The following MAGI1 variants were observed in gnomAD, a reference collection of about 807,000 sequenced individuals.
MAGI1 encodes the protein membrane associated guanylate kinase, WW and PDZ domain containing 1, also known as membrane-associated guanylate kinase, WW and PDZ domain-containing protein 1.
A neutral mutation model predicts 139.9 loss-of-function variants in MAGI1; 58 were observed. The observed-to-expected ratio is 0.41, with a 90% CI of 0.34 to 0.52. MAGI1 has a LOEUF of 0.52. Ranked by LOEUF, MAGI1 falls within the 20% of genes least tolerant of loss-of-function variation. MAGI1 has a pLI of 0.12. For synonymous variants in MAGI1, 812 were observed against 737.9 expected (o/e 1.10, Z -1.63); for missense variants, 1,874 against 1,901.6 (o/e 0.99, Z 0.27).
chr3:65,903,275 T>C (rs956966022), intron 1 of MAGI1, among the ~76,000 whole-genome samples: 2 of 152,134 alleles, frequency 1.3e-5, no homozygotes, highest in Non-Finnish European at 2.9e-5. Flanking sequence ...ATTACAGGCA[T>C]AAGCCACCAC....
At chr3:65,658,288 T>A (rs1174032576) in intron 1 of MAGI1, among the ~76,000 whole-genome samples, 1 of 152,158 alleles carries the variant, frequency 6.6e-6, no homozygotes, top group East Asian at 1.9e-4. Context: ...TGACTTTTAA[T>A]AAGGACGCGA....
intron 1 of MAGI1, among the ~76,000 whole-genome samples, chr3:66,036,674 G>A (rs2068938431): frequency 6.6e-6 from 1 of 152,176 alleles, no homozygotes; most frequent in African/African-American, 2.4e-5. Flanking sequence ...TCTGGAGCAC[G>A]CCTGTTTCCA....
chr3:65,452,009 T>C (rs1326221565), intron 6 of MAGI1, among the ~76,000 whole-genome samples: 2 of 152,162 alleles, frequency 1.3e-5, no homozygotes, highest in Non-Finnish European at 2.9e-5. Flanking sequence ...CAGTATTACA[T>C]GTTAAACAGA....
intron 2 of MAGI1, among the ~76,000 whole-genome samples, chr3:65,508,645 C>T (rs1461392908): frequency 1.3e-5 from 2 of 152,104 alleles, no homozygotes; most frequent in Non-Finnish European, 2.9e-5. Context: ...ATGCCTTTGT[C>T]ATCTATTCAA....
intron 1 of MAGI1, among the ~76,000 whole-genome samples, chr3:65,899,429 A>T (rs971808833): frequency 6.6e-6 from 1 of 152,228 alleles, no homozygotes; most frequent in Non-Finnish European, 1.5e-5. Context: ...AGACTTATCA[A>T]GAAATGAAAA....
chr3:65,684,167 CAAAA>C (rs1163089641), intron 1 of MAGI1, among the ~76,000 whole-genome samples: 1 of 79,408 alleles, frequency 1.3e-5, no homozygotes, highest in Non-Finnish European at 2.4e-5. Context: ...GAGACTGTCT[CAAAA>C]AAAAAAAAAA....
rs189875641 is a variant in MAGI1, at chr3:65,713,103, C to T, written c.314-91015G>A. Among the ~76,000 whole-genome samples the T allele has an allele frequency of 3.4e-3, 512 of 152,314 alleles. 7 individuals carry two copies. Among genetic ancestry groups the T allele is most frequent in the African/African-American group, 0.012 (482 of 41,566 alleles). ...AAAGTCCTAGAGAGAGAATAGCTTT[C>T]CAGGCCCCATTCCTTCTACTCCTGA... is the stretch of plus-strand genomic sequence containing the variant. On this transcript the variant is annotated intron_variant, in intron 1 of 22. Coordinates refer to ENST00000402939, the MANE Select transcript of MAGI1 (RefSeq NM_001033057.2).
chr3:65,645,356 G>C (rs527630241), intron 1 of MAGI1, among the ~76,000 whole-genome samples: 2 of 152,132 alleles, frequency 1.3e-5, no homozygotes, highest in Non-Finnish European at 2.9e-5. Flanking sequence ...TTTTTCATCA[G>C]AAACCATGGA....
At chr3:65,688,274 C>G in intron 1 of MAGI1, 4 of 844,862 alleles carry the variant, frequency 4.7e-6, no homozygotes, top group Non-Finnish European at 7.9e-6. Flanking sequence ...CACATGGTGG[C>G]TTTAGGAAGA....
intron 1 of MAGI1, among the ~76,000 whole-genome samples, chr3:65,684,229 C>A (rs2087826805): frequency 6.7e-6 from 1 of 149,508 alleles, no homozygotes; most frequent in Non-Finnish European, 1.5e-5. Flanking sequence ...CAACTGTACT[C>A]TTGGACATTT....
intron 3 of MAGI1, among the ~76,000 whole-genome samples, chr3:65,490,884 C>A (rs1951981537): frequency 6.7e-6 from 1 of 148,252 alleles, no homozygotes; most frequent in Admixed American, 6.7e-5. Flanking sequence ...ATTATGAGCC[C>A]TCTCATATGG....
intron 1 of MAGI1, among the ~76,000 whole-genome samples, chr3:65,824,444 C>G (rs1021471361): frequency 2.0e-5 from 3 of 152,170 alleles, no homozygotes; most frequent in African/African-American, 7.2e-5. Context: ...AGGGGCCCAG[C>G]AGGTATAGAG....
intron 2 of MAGI1, among the ~76,000 whole-genome samples, chr3:65,515,464 A>G (rs1269486709): frequency 1.3e-5 from 2 of 152,230 alleles, no homozygotes; most frequent in African/African-American, 4.8e-5. Context: ...AATACTAACT[A>G]ATGTCAATGA....
chr3:65,983,928 C>G (rs1002860399), intron 1 of MAGI1, among the ~76,000 whole-genome samples: 1 of 152,160 alleles, frequency 6.6e-6, no homozygotes, highest in Non-Finnish European at 1.5e-5. Flanking sequence ...TACTTGAAGT[C>G]GTACCTAGCA....
chr3:65,624,990 A>G (rs2083890221), intron 1 of MAGI1, among the ~76,000 whole-genome samples: 1 of 152,090 alleles, frequency 6.6e-6, no homozygotes, highest in African/African-American at 2.4e-5. Flanking sequence ...TTCATGCCTC[A>G]GCCTTCCGAG....
chr3:65,467,313 C>T (rs986690415), intron 5 of MAGI1, among the ~76,000 whole-genome samples: 1 of 152,170 alleles, frequency 6.6e-6, no homozygotes, highest in African/African-American at 2.4e-5. Context: ...CATACACGTA[C>T]ATGCATAAAC....
chr3:65,944,744 T>C (rs2063475807), intron 1 of MAGI1, among the ~76,000 whole-genome samples: 1 of 151,994 alleles, frequency 6.6e-6, no homozygotes, highest in Admixed American at 6.6e-5. Context: ...AGCTAAAAAA[T>C]AAAACAAAGA....
intron 2 of MAGI1, among the ~76,000 whole-genome samples, chr3:65,498,817 T>C (rs1207216177): frequency 6.6e-6 from 1 of 152,160 alleles, no homozygotes; most frequent in Admixed American, 6.5e-5. Context: ...GTGGCCAGTG[T>C]GATTAGGAAA....
intron 1 of MAGI1, among the ~76,000 whole-genome samples, chr3:65,627,431 G>A (rs1331538281): frequency 7.0e-6 from 1 of 142,300 alleles, no homozygotes. Flanking sequence ...TTTTAACTGA[G>A]GAAAATGGGG....
Sources: allele counts gnomAD v4.1 joint callset (sites outside exome capture counted in the v4.1 genomes callset), GRCh38; gene constraint gnomAD v4.1.1; transcripts MANE v1.5; gene names NCBI Gene and HGNC (gene_info 2026-07-23, HGNC 2026-07-21).